NONO: variants seen among roughly 807,000 people sequenced by gnomAD.
NONO encodes the protein non-POU domain-containing octamer-binding protein.
A neutral mutation model predicts 40.2 loss-of-function variants in NONO; 6 were observed. The ratio of observed to expected loss-of-function variants is 0.15; its 90% confidence interval spans 0.08 to 0.29. NONO has a LOEUF of 0.29. Ranked by LOEUF, NONO falls within the 10% of genes least tolerant of loss-of-function variation. NONO has a pLI of 1.00. For synonymous variants in NONO, 89 were observed against 123.3 expected (o/e 0.72, Z 1.85); for missense variants, 133 against 397.8 (o/e 0.33, Z 5.66).
intron 4 of NONO, chrX:71,293,986 T>C (rs1479552422): frequency 3.3e-5 from 13 of 388,426 alleles, no homozygotes; most frequent in East Asian, 3.2e-4. Context: ...ACCTATGAAA[T>C]TGATGATCAC....
At chrX:71,297,969 G>T in intron 9 of NONO, 31 bp downstream of exon 9, 1 of 957,605 alleles carries the variant, frequency 1.0e-6, no homozygotes. Flanking sequence ...TGATGTACCA[G>T]ACCAGTCCTG....
chrX:71,288,301 A>G (rs1272878520), intron 2 of NONO, among the ~76,000 whole-genome samples: 10 of 107,808 alleles, frequency 9.3e-5, no homozygotes, highest in Non-Finnish European at 1.3e-4. Flanking sequence ...GGGGCTCACT[A>G]TGTTGCCCAG....
chrX:71,295,337 A>G (rs1290788116), intron 5 of NONO, among the ~76,000 whole-genome samples: 1 of 108,370 alleles, frequency 9.2e-6, no homozygotes, highest in East Asian at 2.9e-4. Context: ...AATACAACAA[A>G]TTAGCCGGGT....
chrX:71,287,865 CTT>C (rs748090354), intron 2 of NONO, among the ~76,000 whole-genome samples: 2,776 of 87,225 alleles, frequency 0.032, 149 homozygotes, highest in African/African-American at 0.11. Flanking sequence ...CCCCCCTACC[CTT>C]TTTTTTTTTT....
In NONO at chrX:71,299,996, G is replaced by T. The variant is rs1395310786; in HGVS notation, c.1336G>T (p.Ala446Ser). ...GQAATMEGIGAIGGTPPAFNR... is the reference protein window; with the variant it reads ...GQAATMEGIGSIGGTPPAFNR... Reference sequence around the variant, plus strand: ...GGCTGCTACAATGGAAGGAATTGGGGCAATTGGTGGAACTCCTCCTGCATT... The same window carrying T: ...GGCTGCTACAATGGAAGGAATTGGGTCAATTGGTGGAACTCCTCCTGCATT... The change falls in exon 12 of 12, where the codon GCA (alanine) becomes TCA (serine). Residue 446 changes from alanine (A) to serine (S), a missense_variant. Coordinates refer to ENST00000276079, the MANE Select transcript of NONO (RefSeq NM_007363.5). 8.3e-7 allele frequency: 1 copy of T among 1,211,259 alleles called. No homozygotes were observed. Among genetic ancestry groups the T allele is most frequent in the Non-Finnish European group, 1.1e-6 (1 of 895,094 alleles).
At chrX:71,295,684 G>A (rs560681795) in intron 5 of NONO, among the ~76,000 whole-genome samples, 3 of 106,159 alleles carry the variant, frequency 2.8e-5, no homozygotes, top group Admixed American at 2.0e-4. Flanking sequence ...CCAGCTACTC[G>A]GGAGGCTGAG....
intron 11 of NONO, among the ~76,000 whole-genome samples, chrX:71,299,118 C>T (rs1306038587): frequency 8.9e-6 from 1 of 111,822 alleles, no homozygotes; most frequent in Non-Finnish European, 1.9e-5. Flanking sequence ...GATGGGGTTA[C>T]ACCATGTTGG....
chrX:71,300,022 C>G lies in NONO; in HGVS notation c.1362C>G (p.Phe454Leu), dbSNP rs1569242147. Residue 454 changes from phenylalanine (F) to leucine (L), a missense_variant, in exon 12 of 12, where the codon TTC becomes TTG. By Grantham distance (22) the Phe-to-Leu change is conservative. Transcript: ENST00000276079. ...CAATTGGTGGAACTCCTCCTGCATT[C>G]AACCGTGCAGCTCCTGGAGCTGAAT... The part of the protein sequence containing the change: ...IGAIGGTPPA[F>L]NRAAPGAEFA... The G allele has an allele frequency of 8.3e-7, 1 of 1,211,376 alleles. No individual in the cohort carries two copies. Among genetic ancestry groups the G allele is most frequent in the East Asian group, 3.0e-5 (1 of 33,866 alleles).
chrX:71,294,588 A>C (rs762783465), intron 5 of NONO, 60 bp downstream of exon 5: 3 of 1,059,971 alleles, frequency 2.8e-6, no homozygotes, highest in African/African-American at 3.7e-5. Context: ...CATGGTCTGG[A>C]GAGTTAGCCT....
At chrX:71,292,153 A>G in intron 4 of NONO, 181 bp downstream of exon 4, 1 of 365,747 alleles carries the variant, frequency 2.7e-6, no homozygotes, top group East Asian at 4.5e-5. Context: ...TTTCAAGGAT[A>G]ACAAGTTTTT....
Position 71,290,616 on chromosome X carries a change from T to G in NONO, c.-9-13T>G. 1 of 1,198,564 alleles carries G rather than the reference T, an allele frequency of 8.3e-7. No individual in the cohort carries two copies. Among genetic ancestry groups the G allele is most frequent in the African/African-American group, 1.7e-5 (1 of 57,484 alleles). ...GTACTGAATTTATTTATTAGTCTAC[T>G]TTTTCTTTGTAGGGTGCAAAAATGC... On this transcript the variant is annotated splice_polypyrimidine_tract_variant and intron_variant, in intron 2 of 11. Coordinates refer to ENST00000276079, the MANE Select transcript of NONO (RefSeq NM_007363.5).
chrX:71,293,985 A>G (rs181451130), intron 4 of NONO: 71 of 386,991 alleles, frequency 1.8e-4, no homozygotes, highest in African/African-American at 1.6e-3. Context: ...TACCTATGAA[A>G]TTGATGATCA....
chrX:71,289,188 T>G (rs2031267048), intron 2 of NONO, among the ~76,000 whole-genome samples: 1 of 112,549 alleles, frequency 8.9e-6, no homozygotes, highest in South Asian at 3.6e-4. Context: ...GCGATTCTAG[T>G]GCAAACAGTT....
Position 71,300,283 on chromosome X carries a change from G to T in NONO, c.*207G>T. On this transcript the variant is annotated 3_prime_UTR_variant, in exon 12 of 12. Coordinates refer to ENST00000276079, the MANE Select transcript of NONO (RefSeq NM_007363.5). Reference sequence around the variant, plus strand: ...TTCTGTGTGGTATATTGTTTAATCAGTTCTGTGTGGTGCATTCCTGAAGTC... The same window carrying T: ...TTCTGTGTGGTATATTGTTTAATCATTTCTGTGTGGTGCATTCCTGAAGTC... 1 of 432,585 alleles carries T rather than the reference G, an allele frequency of 2.3e-6. No individual in the cohort carries two copies. The allele number at this position is 432,585 out of a possible 1,213,427, so 35.6% of individuals were successfully genotyped here.
At chrX:71,298,379 CTA>C in intron 9 of NONO, 88 bp from the exon 10 acceptor site, 1 of 780,407 alleles carries the variant, frequency 1.3e-6, no homozygotes, top group Non-Finnish European at 2.0e-6. Flanking sequence ...TGTTATCACT[CTA>C]TCTACTTCCC....
At chrX:71,292,039 C>T (rs2031337025) in intron 4 of NONO, 67 bp downstream of exon 4, 1 of 736,994 alleles carries the variant, frequency 1.4e-6, no homozygotes, top group East Asian at 3.5e-5. Context: ...AATAGATGTG[C>T]AAAAATAGGC....
At chrX:71,291,413 T>G (rs187253860) in intron 3 of NONO, among the ~76,000 whole-genome samples, 1,200 of 111,267 alleles carry the variant, frequency 0.011, 10 homozygotes, top group Admixed American at 0.017. Context: ...TTGTTTTTTT[T>G]TTTGTTTGTT....
intron 4 of NONO, chrX:71,292,201 C>CT (rs113180523): frequency 0.054 from 10,671 of 199,405 alleles, 40 homozygotes; most frequent in East Asian, 0.064. Flanking sequence ...CCCTTTGGAA[C>CT]TTTTTTTTTT....
In NONO at chrX:71,297,490, A is replaced by G. The variant is rs773886715; in HGVS notation, c.1028+29A>G. 3.8e-6 allele frequency: 4 copies of G among 1,050,140 alleles called. No homozygotes were observed. The Admixed American group carries it at 1.1e-4, about 28-fold the overall frequency. The allele number at this position is 1,050,140 out of a possible 1,213,427, so 86.5% of individuals were successfully genotyped here. Reference sequence around the variant, plus strand: ...ACTTTTCTCGAACACTTTTTCCCTAACAACTCTAAAAGGTAATGTCTCACT... The same window carrying G: ...ACTTTTCTCGAACACTTTTTCCCTAGCAACTCTAAAAGGTAATGTCTCACT... On this transcript the variant is annotated intron_variant, in intron 8 of 11. Transcript: ENST00000276079.
Sources: gnomAD v4.1 joint callset for allele counts (sites outside exome capture counted in the v4.1 genomes callset) on GRCh38, gnomAD v4.1.1 for gene constraint, MANE v1.5 for transcripts, NCBI Gene and HGNC (gene_info 2026-07-23, HGNC 2026-07-21) for gene names.